The following ZEB1 variants were observed in gnomAD, a reference collection of about 807,000 sequenced individuals.
The protein encoded by ZEB1 is zinc finger E-box binding homeobox 1.
A neutral mutation model predicts 84.9 loss-of-function variants in ZEB1; 21 were observed. That is an observed-to-expected ratio of 0.25 (90% CI 0.18 to 0.36). ZEB1 has a LOEUF of 0.36. Among genes scored for constraint, ZEB1 ranks in the 10% least tolerant of loss-of-function variants. The pLI, the probability that ZEB1 is intolerant of heterozygous loss-of-function variation, is 1.00. For missense variants in ZEB1, 1,104 were observed against 1,330.2 expected (o/e 0.83, Z 2.65); for synonymous variants, 420 against 471.1 (o/e 0.89, Z 1.41).
chr10:31,447,447 TC>T (rs1313788453), intron 1 of ZEB1, among the ~76,000 whole-genome samples: 2 of 129,940 alleles, frequency 1.5e-5, no homozygotes, highest in African/African-American at 6.0e-5. Flanking sequence ...GTGAATTTGA[TC>T]CTGTCATTAT....
At chr10:31,412,853 T>C (rs1484625702) in intron 1 of ZEB1, among the ~76,000 whole-genome samples, 1 of 152,158 alleles carries the variant, frequency 6.6e-6, no homozygotes, top group Non-Finnish European at 1.5e-5. Context: ...TTGTTATTCA[T>C]CCAGCGAAGG....
intron 1 of ZEB1, chr10:31,363,256 G>A: frequency 6.5e-7 from 1 of 1,533,302 alleles, no homozygotes; most frequent in African/African-American, 1.4e-5. Context: ...GCCCGGAACT[G>A]GGGCAGGGAG....
chr10:31,523,195 AG>A (rs2072747795), intron 7 of ZEB1, among the ~76,000 whole-genome samples: 1 of 152,230 alleles, frequency 6.6e-6, no homozygotes, highest in Non-Finnish European at 1.5e-5. Flanking sequence ...GGAAGATCTT[AG>A]GGGACCCAGT....
upstream of ZEB1, chr10:31,318,792 G>A (rs2032854866): frequency 1.0e-5 from 2 of 199,566 alleles, no homozygotes; most frequent in Admixed American, 5.4e-5. Flanking sequence ...CAGCTCCGAG[G>A]GCACAGGGTA....
chr10:31,325,608 A>G (rs1398830996), intron 1 of ZEB1, among the ~76,000 whole-genome samples: 1 of 152,044 alleles, frequency 6.6e-6, no homozygotes, highest in Non-Finnish European at 1.5e-5. Context: ...TCTGTGCTGA[A>G]ATTATTCATA....
At chr10:31,516,731 G>T (rs2071233870) in intron 6 of ZEB1, among the ~76,000 whole-genome samples, 2 of 151,888 alleles carry the variant, frequency 1.3e-5, no homozygotes, top group South Asian at 2.1e-4. Context: ...ATTTGATAGG[G>T]TTTCTTTTTT....
intron 2 of ZEB1, among the ~76,000 whole-genome samples, chr10:31,479,421 A>G (rs1228707342): frequency 6.6e-6 from 1 of 151,950 alleles, no homozygotes; most frequent in Non-Finnish European, 1.5e-5. Flanking sequence ...CAGCATTGTT[A>G]TGATATCAAA....
chr10:31,358,866 T>C (rs2042539847), intron 1 of ZEB1, among the ~76,000 whole-genome samples: 1 of 151,858 alleles, frequency 6.6e-6, no homozygotes, highest in South Asian at 2.1e-4. Flanking sequence ...CACATAGTCA[T>C]TACAAACAAA....
chr10:31,479,280 T>C (rs1371333032), intron 2 of ZEB1, among the ~76,000 whole-genome samples: 1 of 151,904 alleles, frequency 6.6e-6, no homozygotes, highest in Non-Finnish European at 1.5e-5. Flanking sequence ...ATGAGATGGC[T>C]TCATTGGTTA....
At chr10:31,339,753 ACT>A (rs943772473) in intron 1 of ZEB1, among the ~76,000 whole-genome samples, 222 of 148,440 alleles carry the variant, frequency 1.5e-3, no homozygotes, top group African/African-American at 5.4e-3. Flanking sequence ...ACAGAGAGAG[ACT>A]CTGTCTCAAA....
At position 31,508,515 on chromosome 10, in the gene ZEB1, A is replaced by T. The variant is rs186810091; in HGVS notation, c.485-2158A>T. Among the ~76,000 whole-genome samples, 1,289 of 152,020 alleles carry T rather than the reference A, an allele frequency of 8.5e-3. 12 individuals are homozygous for T. Among genetic ancestry groups the T allele is most frequent in the Non-Finnish European group, 0.012 (825 of 67,958 alleles). The stretch of plus-strand genomic sequence containing the variant: ...GTAGTGATAGTAGCAGGTTGGGTGG[A>T]CCCAACCTCAGGCCTCCAGGAGGAG... On this transcript the variant is annotated intron_variant, in intron 4 of 8. Coordinates refer to ENST00000424869, the MANE Select transcript of ZEB1 (RefSeq NM_001174096.2).
In ZEB1 at chr10:31,526,958, CGA is replaced by C. The variant is rs777463055; in HGVS notation, c.3082_3083del (p.Ser1028PhefsTer7). 5.6e-6 allele frequency: 9 copies of C among 1,612,620 alleles called. No individual in the cohort carries two copies. The highest frequency in any genetic ancestry group is 2.2e-5 in the South Asian group (2 of 91,004). ...RASPSQGDSD[E>X]RESLTREEDE... ...CGTCTCCCTCACAGGGCGACTCGGACGAGAGAGAGAGTTTGACAAGGGAAGAG... is the reference window on the plus strand; with the variant it reads ...CGTCTCCCTCACAGGGCGACTCGGACGAGAGAGAGTTTGACAAGGGAAGAG... On this transcript the variant is annotated frameshift_variant, in exon 9 of 9. Coordinates refer to ENST00000424869, the MANE Select transcript of ZEB1 (RefSeq NM_001174096.2). LOFTEE classifies it low-confidence loss of function (END_TRUNC).
At chr10:31,414,853 C>T (rs980740388) in intron 1 of ZEB1, among the ~76,000 whole-genome samples, 2 of 152,026 alleles carry the variant, frequency 1.3e-5, no homozygotes, top group African/African-American at 4.8e-5. Context: ...CATTATAAAC[C>T]ATATTTTTGA....
rs186767683 is a variant in ZEB1, at chr10:31,376,231, T to C, written c.58+56939T>C. On this transcript the variant is annotated intron_variant, in intron 1 of 8. Coordinates refer to ENST00000424869, the MANE Select transcript of ZEB1 (RefSeq NM_001174096.2). ...CATTAAGCAAGTAATTACAATAAAG[T>C]ATAGTGGCTTATGATATTATAAAAA... 4.6e-5 allele frequency among the ~76,000 whole-genome samples: 7 copies of C among 151,826 alleles called. No homozygotes were observed. In the East Asian group the frequency reaches 1.2e-3, roughly 25 times the overall value.
At chr10:31,370,709 CTT>C (rs2045545955) in intron 1 of ZEB1, among the ~76,000 whole-genome samples, 1 of 152,134 alleles carries the variant, frequency 6.6e-6, no homozygotes, top group East Asian at 1.9e-4. Context: ...AATTGTATCT[CTT>C]TCTAAGGTGT....
Position 31,371,492 on chromosome 10 carries a change from G to A in ZEB1, c.58+52200G>A, listed in dbSNP as rs531826348. Among the ~76,000 whole-genome samples, 12 of 152,180 alleles carry A rather than the reference G, an allele frequency of 7.9e-5. No homozygotes were observed. In the South Asian group the frequency reaches 2.3e-3, roughly 29 times the overall value. On this transcript the variant is annotated intron_variant, in intron 1 of 8. Transcript: ENST00000424869. Reference sequence around the variant, plus strand: ...TTTCATTAGGCTAAATAAGAAAAACGTCGTTATGTATTTTCTGCTTTAAAA... The same window carrying A: ...TTTCATTAGGCTAAATAAGAAAAACATCGTTATGTATTTTCTGCTTTAAAA...
Position 31,447,768 on chromosome 10 carries a change from C to G in ZEB1, c.59-13269C>G, listed in dbSNP as rs2059979248. Among the ~76,000 whole-genome samples, 2 of 152,216 alleles carry G rather than the reference C, an allele frequency of 1.3e-5. 1 individual carries two copies. Among genetic ancestry groups the G allele is most frequent in the South Asian group, 4.1e-4 (2 of 4,832 alleles). ...CCCACTCTTCTGGCTTGTAGGGTTT[C>G]TGCCGAGAGATCAGCTGTTAGTCTG... On this transcript the variant is annotated intron_variant, in intron 1 of 8. Transcript: ENST00000424869.
chr10:31,324,422 C>G (rs1302785617), intron 1 of ZEB1, among the ~76,000 whole-genome samples: 1 of 151,946 alleles, frequency 6.6e-6, no homozygotes, highest in Non-Finnish European at 1.5e-5. Flanking sequence ...GTATAAATCA[C>G]TTTTAAGCAT....
At chr10:31,413,837 A>G (rs981077129) in intron 1 of ZEB1, among the ~76,000 whole-genome samples, 1 of 152,226 alleles carries the variant, frequency 6.6e-6, no homozygotes, top group African/African-American at 2.4e-5. Flanking sequence ...CATAGCGATT[A>G]ACTTGATAAA....
Sources: gnomAD v4.1 joint callset for allele counts (sites outside exome capture counted in the v4.1 genomes callset) on GRCh38, gnomAD v4.1.1 for gene constraint, MANE v1.5 for transcripts, NCBI Gene and HGNC (gene_info 2026-07-23, HGNC 2026-07-21) for gene names.